The following NLRP3 variants were observed in gnomAD, a reference collection of about 807,000 sequenced individuals.
NLRP3 encodes NACHT, LRR and PYD domains-containing protein 3.
NLRP3 carries 48 observed loss-of-function variants against 91.3 expected under a neutral mutation model. The observed-to-expected ratio is 0.53, with a 90% CI of 0.42 to 0.67. The LOEUF is 0.67. Among genes scored for constraint, NLRP3 ranks in the 30% least tolerant of loss-of-function variants. The probability of loss-of-function intolerance (pLI) is 0.00; values close to 1 mark genes in which losing one functional copy is unlikely to be tolerated. For missense variants in NLRP3, 982 were observed against 1,276.9 expected, an observed-to-expected ratio of 0.77 and a Z score of 3.52; for synonymous variants, 561 against 507.9, an observed-to-expected ratio of 1.10 and a Z score of -1.41.
At chr1:247,442,719 G>A (rs879805537) in intron 7 of NLRP3, among the ~76,000 whole-genome samples, 3 of 152,152 alleles carry the variant, frequency 2.0e-5, no homozygotes, top group Non-Finnish European at 4.4e-5. Context: ...TATGTAAAAT[G>A]TATGTAATAG....
At chr1:247,423,808 T>C (rs201477265) in intron 3 of NLRP3, 39 bp from the exon 4 acceptor site, 6 of 1,571,296 alleles carry the variant, frequency 3.8e-6, no homozygotes, top group Non-Finnish European at 8.7e-7. Context: ...CAGGTGGATG[T>C]GTGTATACTT....
In NLRP3 at chr1:247,437,499, T is replaced by A. The variant is rs185066534; in HGVS notation, c.2663+1359T>A. 3.3e-3 allele frequency among the ~76,000 whole-genome samples: 503 copies of A among 152,320 alleles called. 4 individuals carry two copies. Among genetic ancestry groups the A allele is most frequent in the African/African-American group, 0.012 (485 of 41,580 alleles). On this transcript the variant is annotated intron_variant, in intron 7 of 9. Coordinates refer to ENST00000336119, the MANE Select transcript of NLRP3 (RefSeq NM_001243133.2). ...GAAGTCTTCCTGCAGTGCCTTCATT[T>A]CCTCGCCTTAGGGTATTACCCTTCC...
intron 2 of NLRP3, among the ~76,000 whole-genome samples, chr1:247,420,329 G>C (rs113561330): frequency 0.015 from 2,207 of 152,044 alleles, 58 homozygotes; most frequent in African/African-American, 0.051. Context: ...TCAGATATAT[G>C]ATTTACAAAT....
chr1:247,438,043 A>G (rs1379051401), intron 7 of NLRP3, among the ~76,000 whole-genome samples: 1 of 152,210 alleles, frequency 6.6e-6, no homozygotes, highest in African/African-American at 2.4e-5. Context: ...ACTATTGTCA[A>G]TACCTAACCT....
intron 9 of NLRP3, among the ~76,000 whole-genome samples, chr1:247,445,047 C>T (rs1042039887): frequency 1.3e-5 from 2 of 152,176 alleles, no homozygotes; most frequent in Non-Finnish European, 2.9e-5. Flanking sequence ...GGATTTCACC[C>T]ACATTCCCCA....
intron 9 of NLRP3, among the ~76,000 whole-genome samples, chr1:247,448,064 C>T (rs1024094317): frequency 1.3e-5 from 2 of 151,174 alleles, no homozygotes; most frequent in South Asian, 2.1e-4. Flanking sequence ...GGGGCCTCCT[C>T]TGTCATTGGA....
chr1:247,446,491 A>G lies in NLRP3; in HGVS notation c.3005+1670A>G, dbSNP rs760468516. Among the ~76,000 whole-genome samples, 165 of 152,184 alleles carry G rather than the reference A, an allele frequency of 1.1e-3. 4 individuals are homozygous for G. Among genetic ancestry groups the G allele is most frequent in the Non-Finnish European group, 3.5e-4 (24 of 68,030 alleles). ...TCCCAACCCTTGCTTATTCTGCCCCAGTACAGTGATCTCCTTGCTGTTTTG... is the reference window on the plus strand; with the variant it reads ...TCCCAACCCTTGCTTATTCTGCCCCGGTACAGTGATCTCCTTGCTGTTTTG... On this transcript the variant is annotated intron_variant, in intron 9 of 9. Coordinates refer to ENST00000336119, the MANE Select transcript of NLRP3 (RefSeq NM_001243133.2).
intron 5 of NLRP3, among the ~76,000 whole-genome samples, chr1:247,431,484 CACCAGCCCAG>C (rs1409233189): frequency 6.6e-6 from 1 of 152,202 alleles, no homozygotes; most frequent in Non-Finnish European, 1.5e-5. Context: ...GTCCTCACCC[CACCAGCCCAG>C]GTCCAGCAAC....
chr1:247,432,856 G>A (rs1340282495), intron 5 of NLRP3, among the ~76,000 whole-genome samples: 3 of 151,848 alleles, frequency 2.0e-5, no homozygotes, highest in East Asian at 3.9e-4. Flanking sequence ...AGTGATGTGC[G>A]TGTGTGTTTG....
intron 7 of NLRP3, among the ~76,000 whole-genome samples, chr1:247,438,314 C>A (rs1276728689): frequency 6.6e-6 from 1 of 152,022 alleles, no homozygotes; most frequent in Non-Finnish European, 1.5e-5. Context: ...TAGCTTCCCC[C>A]TCCCTGGATC....
At position 247,425,627 on chromosome 1, in the gene NLRP3, C is replaced by A; in HGVS notation, c.2150+28C>A. The A allele has an allele frequency of 6.3e-7, 1 of 1,595,150 alleles. No homozygotes were observed. The highest frequency in any genetic ancestry group is 8.5e-7 in the Non-Finnish European group (1 of 1,175,896). ...AAGGAAACTCGGCTTCCAGGTGCTTCCTCCTGCTTCCTCGCCAGCTTCTTC... is the reference window on the plus strand; with the variant it reads ...AAGGAAACTCGGCTTCCAGGTGCTTACTCCTGCTTCCTCGCCAGCTTCTTC... On this transcript the variant is annotated intron_variant, in intron 4 of 9. Transcript: ENST00000336119. The surrounding 1 kb of genome is among the most constrained non-coding windows in gnomAD (Gnocchi z 4.1).
At chr1:247,423,385 A>G (rs1428956193) in intron 3 of NLRP3, 36 bp downstream of exon 3, 1 of 1,612,868 alleles carries the variant, frequency 6.2e-7, no homozygotes, top group Non-Finnish European at 8.5e-7. Context: ...GTTGAGTTTT[A>G]AGACCTGGTT....
chr1:247,440,847 C>G (rs1272930831), intron 7 of NLRP3, among the ~76,000 whole-genome samples: 1 of 152,110 alleles, frequency 6.6e-6, no homozygotes. Context: ...TTCCTTTTGC[C>G]TGGAAGGTTA....
At chr1:247,429,454 G>C (rs1663148461) in intron 4 of NLRP3, 131 bp from the exon 5 acceptor site, 1 of 1,040,844 alleles carries the variant, frequency 9.6e-7, no homozygotes, top group African/African-American at 1.6e-5. Context: ...ACAATTTTTG[G>C]TTTCGTGACC....
chr1:247,432,408 T>C (rs569782017), intron 5 of NLRP3, among the ~76,000 whole-genome samples: 2 of 152,358 alleles, frequency 1.3e-5, no homozygotes, highest in East Asian at 3.9e-4. Context: ...TCCATCTGTG[T>C]GGCTTCAAAG....
rs910059272 is a variant in NLRP3, at chr1:247,435,910, C to G, written c.2493-60C>G. 13 of 1,568,658 alleles carry G rather than the reference C, an allele frequency of 8.3e-6. No individual in the cohort carries two copies. The African/African-American group carries it at 1.8e-4, about 21-fold the overall frequency. On this transcript the variant is annotated intron_variant, in intron 6 of 9. Transcript: ENST00000336119. ...AGGCAGTGGCAGGTACGGGTGCTTC[C>G]TTGTCCATGGTGGAGCGTGGGTGAG... is the stretch of plus-strand genomic sequence containing the variant.
At position 247,431,209 on chromosome 1, in the gene NLRP3, T is replaced by A. The variant is rs924018686; in HGVS notation, c.2321+1454T>A. ...AAAATAATAATAATAATAATAATAA[T>A]AAAAAATGTGCTTGCTTTCTCCCAC... On this transcript the variant is annotated intron_variant, in intron 5 of 9. Transcript: ENST00000336119. Among the ~76,000 whole-genome samples the A allele has an allele frequency of 1.6e-4, 25 of 151,814 alleles. No homozygotes were observed. The East Asian group carries it at 3.3e-3, about 20-fold the overall frequency.
chr1:247,426,080 A>G lies in NLRP3; in HGVS notation c.2150+481A>G, dbSNP rs116857742. Among the ~76,000 whole-genome samples, 787 of 152,312 alleles carry G rather than the reference A, an allele frequency of 5.2e-3. 23 individuals are homozygous for G. The East Asian group carries it at 0.084, about 16-fold the overall frequency. On this transcript the variant is annotated intron_variant, in intron 4 of 9. Transcript: ENST00000336119. ...TTAAGGAATGGTGGGACCTGGGCGC[A>G]TAGAGAAGAAATTAAAGGAATTCTG... is the stretch of plus-strand genomic sequence containing the variant.
intron 7 of NLRP3, among the ~76,000 whole-genome samples, chr1:247,437,293 A>T (rs542363366): frequency 1.3e-5 from 2 of 152,220 alleles, no homozygotes; most frequent in Non-Finnish European, 2.9e-5. Context: ...TCATTCATTC[A>T]CATTATTAAT....
Sources: gnomAD v4.1 joint callset for allele counts (sites outside exome capture counted in the v4.1 genomes callset) on GRCh38, gnomAD v4.1.1 for gene constraint, Gnocchi (gnomAD v3.1) non-coding constraint, MANE v1.5 for transcripts, NCBI Gene and HGNC (gene_info 2026-07-23, HGNC 2026-07-21) for gene names.